Variants in FAM174B observed in about 807,000 individuals in gnomAD.
FAM174B encodes family with sequence similarity 174 member B.
In FAM174B, 12 loss-of-function variants were observed where a neutral mutation model predicts 10.9. That is an observed-to-expected ratio of 1.10 (90% CI 0.71 to 1.79). The LOEUF is 1.79. FAM174B is among the 40% of genes most tolerant of loss of function. The pLI is 0.00. For missense variants in FAM174B, 266 were observed against 233.3 expected, an observed-to-expected ratio of 1.14 and a Z score of -0.91; for synonymous variants, 132 against 115.8, an observed-to-expected ratio of 1.14 and a Z score of -0.90.
At chr15:92,644,065 G>A (rs901086810) in intron 1 of FAM174B, among the ~76,000 whole-genome samples, 1 of 151,844 alleles carries the variant, frequency 6.6e-6, no homozygotes, top group African/African-American at 2.4e-5. Context: ...TCCTCCTCAG[G>A]ACATAAGAAG....
intron 2 of FAM174B, among the ~76,000 whole-genome samples, chr15:92,621,905 G>C (rs572430929): frequency 6.6e-6 from 1 of 152,252 alleles, no homozygotes; most frequent in South Asian, 2.1e-4. Flanking sequence ...GCCTTCCACT[G>C]CATCTTGCTG....
At chr15:92,624,402 CCATT>C (rs34637220) in intron 2 of FAM174B, among the ~76,000 whole-genome samples, 19,081 of 152,140 alleles carry the variant, frequency 0.13, 1,529 homozygotes, top group East Asian at 0.22. Context: ...GGGTGCCTGG[CCATT>C]CAGAGGTCCT....
In FAM174B at chr15:92,646,549, C is replaced by G. The variant is rs186352124; in HGVS notation, c.344+8767G>C. Among the ~76,000 whole-genome samples, 9 of 152,258 alleles carry G rather than the reference C, an allele frequency of 5.9e-5. No homozygotes were observed. In the East Asian group the frequency reaches 1.2e-3, roughly 20 times the overall value. Reference sequence around the variant, plus strand: ...GAATCTCAGCAGTGCCAAAGCTAACCCGAAAAACTAATTCAGGCCATGATG... The same window carrying G: ...GAATCTCAGCAGTGCCAAAGCTAACGCGAAAAACTAATTCAGGCCATGATG... On this transcript the variant is annotated intron_variant, in intron 1 of 2. Transcript: ENST00000327355.
intron 2 of FAM174B, among the ~76,000 whole-genome samples, chr15:92,624,947 C>T (rs1418964940): frequency 6.6e-6 from 1 of 152,118 alleles, no homozygotes. Context: ...TGTAATAAAC[C>T]GGGAATGCAA....
chr15:92,641,387 C>T (rs899857150), intron 1 of FAM174B, among the ~76,000 whole-genome samples: 1 of 152,162 alleles, frequency 6.6e-6, no homozygotes, highest in African/African-American at 2.4e-5. Context: ...GGTATGTTTC[C>T]ACATGTGTGA....
rs143346719 is a variant in FAM174B at position 92,617,707 on chromosome 15, C to T, written c.*1749G>A. 1.0e-3 allele frequency: 690 copies of T among 680,094 alleles called. 8 individuals carry two copies. The highest frequency in any genetic ancestry group is 8.9e-3 in the East Asian group (309 of 34,554). 42.1% of individuals were successfully genotyped at this position (680,094 alleles called of 1,614,324 possible). On this transcript the variant is annotated 3_prime_UTR_variant, in exon 3 of 3. Coordinates refer to ENST00000327355, the MANE Select transcript of FAM174B (RefSeq NM_207446.3). ...AACAGCTGCGAGGTGGCCAGGCTCCCGTGAGTCACCACTCAGGCCTGAGTA... is the reference window on the plus strand; with the variant it reads ...AACAGCTGCGAGGTGGCCAGGCTCCTGTGAGTCACCACTCAGGCCTGAGTA...
Position 92,619,237 on chromosome 15 carries a change from G to A in FAM174B, c.*219C>T, listed in dbSNP as rs1399045112. 4 of 707,190 alleles carry A rather than the reference G, an allele frequency of 5.7e-6. No individual in the cohort carries two copies. The East Asian group carries it at 1.1e-4, about 19-fold the overall frequency. 43.8% of individuals were successfully genotyped at this position (707,190 alleles called of 1,614,324 possible). ...GGGCACTTTAAAGGGATGCCCAAAG[G>A]GTGGCAGAAGCAACTCCATTGTGGT... On this transcript the variant is annotated 3_prime_UTR_variant, in exon 3 of 3. Transcript: ENST00000327355.
At chr15:92,637,843 C>T (rs995709383) in intron 1 of FAM174B, among the ~76,000 whole-genome samples, 4 of 152,208 alleles carry the variant, frequency 2.6e-5, no homozygotes, top group African/African-American at 9.7e-5. Flanking sequence ...GCCTTGGGGA[C>T]AGGGCCCTCA....
In FAM174B at chr15:92,655,347, G is replaced by C; in HGVS notation, c.313C>G (p.Leu105Val). The C allele has an allele frequency of 1.3e-6, 2 of 1,583,456 alleles. No homozygotes were observed. Among genetic ancestry groups the C allele is most frequent in the Non-Finnish European group, 1.7e-6 (2 of 1,165,550 alleles). ...ACGCGCAGCAGCAGGCAGGCGATGAGGAGGGTGGTAAAGGCGAACGCCACG... is the reference window on the plus strand; with the variant it reads ...ACGCGCAGCAGCAGGCAGGCGATGACGAGGGTGGTAAAGGCGAACGCCACG... ...VIVAFAFTTL[L>V]IACLLLRVFR... The change falls in exon 1 of 3, where the codon CTC (leucine) becomes GTC (valine). Residue 105 changes from leucine to valine, a missense_variant. Coordinates refer to ENST00000327355, the MANE Select transcript of FAM174B (RefSeq NM_207446.3).
intron 1 of FAM174B, among the ~76,000 whole-genome samples, chr15:92,652,212 T>C (rs1200278812): frequency 1.3e-5 from 2 of 152,138 alleles, no homozygotes; most frequent in Non-Finnish European, 2.9e-5. Context: ...TCAGAAGAAG[T>C]TCGGTGGCAC....
chr15:92,629,811 C>T (rs538085003), intron 2 of FAM174B, among the ~76,000 whole-genome samples: 1 of 152,216 alleles, frequency 6.6e-6, no homozygotes, highest in East Asian at 1.9e-4. Context: ...CAGGGCTGGG[C>T]CTTCCCGTGC....
Position 92,655,713 on chromosome 15 carries a change from A to C in FAM174B, c.-54T>G. On this transcript the variant is annotated 5_prime_UTR_variant, in exon 1 of 3. Transcript: ENST00000327355. Reference sequence around the variant, plus strand: ...AGGGCGCGCGCGGCTGAGCTCCAGGATCCGCACCAGCACGGAGGCCTGCAC... The same window carrying C: ...AGGGCGCGCGCGGCTGAGCTCCAGGCTCCGCACCAGCACGGAGGCCTGCAC... 2.5e-6 allele frequency: 3 copies of C among 1,218,128 alleles called. No homozygotes were observed. The highest frequency in any genetic ancestry group is 3.1e-6 in the Non-Finnish European group (3 of 977,280). The allele number at this position is 1,218,128 out of a possible 1,614,324, so 75.5% of individuals were successfully genotyped here.
chr15:92,645,564 C>T (rs1270562748), intron 1 of FAM174B: 2 of 152,302 alleles, frequency 1.3e-5, no homozygotes, highest in Non-Finnish European at 2.9e-5. Context: ...GCAAATGCCC[C>T]AAGACCTGTT....
chr15:92,647,128 G>A (rs148738598), intron 1 of FAM174B, among the ~76,000 whole-genome samples: 2 of 152,302 alleles, frequency 1.3e-5, no homozygotes, highest in East Asian at 1.9e-4. Context: ...CACAGAGTCC[G>A]TTACACAGTA....
chr15:92,655,275 C>G (rs763905775), intron 1 of FAM174B, 41 bp downstream of exon 1: 67 of 1,496,106 alleles, frequency 4.5e-5, no homozygotes, highest in Middle Eastern at 2.1e-4. Context: ...CGATGCCGCC[C>G]TGTCGGCCGG....
intron 1 of FAM174B, chr15:92,634,589 G>A (rs183030220): frequency 6.6e-6 from 1 of 152,314 alleles, no homozygotes; most frequent in Non-Finnish European, 1.5e-5. Flanking sequence ...AGAACACTGT[G>A]GCCCATGATG....
chr15:92,619,538 A>G, intron 2 of FAM174B, 79 bp from the exon 3 acceptor site: 9 of 1,507,764 alleles, frequency 6.0e-6, no homozygotes, highest in Non-Finnish European at 8.2e-6. Context: ...GAACATCTCT[A>G]TCCCTCACCC....
Position 92,655,581 on chromosome 15 carries a change from T to C in FAM174B, c.79A>G (p.Ser27Gly), listed in dbSNP as rs1215433311. ...GGCGCGGAGACGGACTCGGCTCTGCTGGCGCGGGCGGCGGGAGCGGCCAGG... is the reference window on the plus strand; with the variant it reads ...GGCGCGGAGACGGACTCGGCTCTGCCGGCGCGGGCGGCGGGAGCGGCCAGG... ...ALLAAPAARA[S>G]RAESVSAPWP... is the part of the protein sequence containing the mutation. Residue 27 changes from serine to glycine, a missense_variant, in exon 1 of 3, where the codon AGC (serine) becomes GGC (glycine). Physicochemically the swap from Ser to Gly is moderately conservative, Grantham distance 56. Transcript: ENST00000327355. The C allele has an allele frequency of 1.1e-5, 14 of 1,315,298 alleles. No homozygotes were observed. The highest frequency in any genetic ancestry group is 1.3e-5 in the Non-Finnish European group (13 of 1,034,458). 81.5% of individuals were successfully genotyped at this position (1,315,298 alleles called of 1,614,324 possible).
At chr15:92,629,403 C>A (rs1387499069) in intron 2 of FAM174B, among the ~76,000 whole-genome samples, 3 of 152,214 alleles carry the variant, frequency 2.0e-5, no homozygotes, top group African/African-American at 7.2e-5. Flanking sequence ...AAGAAACACA[C>A]CTGCCTGTGG....
Sources: allele counts gnomAD v4.1 joint callset (sites outside exome capture counted in the v4.1 genomes callset), GRCh38; gene constraint gnomAD v4.1.1; transcripts MANE v1.5; gene names NCBI Gene and HGNC (gene_info 2026-07-23, HGNC 2026-07-21).